ANKRD55: variants seen among roughly 807,000 people sequenced by gnomAD.
ANKRD55 encodes ankyrin repeat domain-containing protein 55.
A neutral mutation model predicts 60.6 loss-of-function variants in ANKRD55; 41 were observed. The ratio of observed to expected loss-of-function variants is 0.68; its 90% confidence interval spans 0.53 to 0.88. The LOEUF is 0.88. Among genes scored for constraint, ANKRD55 ranks in the 40% least tolerant of loss-of-function variants. The pLI is 0.00. For synonymous variants in ANKRD55, 264 were observed against 290.3 expected, an observed-to-expected ratio of 0.91 and a Z score of 0.92; for missense variants, 732 against 767.6, an observed-to-expected ratio of 0.95 and a Z score of 0.55.
At chr5:56,153,012 C>T (rs1758094185) in intron 6 of ANKRD55, among the ~76,000 whole-genome samples, 1 of 151,966 alleles carries the variant, frequency 6.6e-6, no homozygotes, top group Non-Finnish European at 1.5e-5. Flanking sequence ...TAGCCAACAG[C>T]CTACGAAAAA....
rs113264001 is a variant in ANKRD55, at chr5:56,170,896, T to C, written c.313-93A>G. 22 of 1,198,948 alleles carry C rather than the reference T, an allele frequency of 1.8e-5. No homozygotes were observed. In the African/African-American group the frequency reaches 1.8e-4, roughly 10 times the overall value. 74.3% of individuals were successfully genotyped at this position (1,198,948 alleles called of 1,614,324 possible). On this transcript the variant is annotated intron_variant, in intron 4 of 11. Transcript: ENST00000341048. ...TCTAGATTTTTTTCCCTTTCTCTGG[T>C]TTGGTTAAAAACATATTTTATTTGA...
At chr5:56,120,399 G>A (rs1296935376) in intron 8 of ANKRD55, among the ~76,000 whole-genome samples, 1 of 152,080 alleles carries the variant, frequency 6.6e-6, no homozygotes, top group African/African-American at 2.4e-5. Context: ...TTTCTACCTC[G>A]CCTCTTTCCC....
chr5:56,214,114 AG>A (rs1180480880), intron 2 of ANKRD55, among the ~76,000 whole-genome samples: 1 of 152,224 alleles, frequency 6.6e-6, no homozygotes. Context: ...CACTACCACA[AG>A]AACAGTATGG....
chr5:56,111,235 T>C lies in ANKRD55; in HGVS notation c.1513A>G (p.Lys505Glu), dbSNP rs760008992. 8 of 1,614,072 alleles carry C rather than the reference T, an allele frequency of 5.0e-6. No homozygotes were observed. The highest frequency in any genetic ancestry group is 1.7e-6 in the Non-Finnish European group (2 of 1,180,040). The change falls in exon 10 of 12, where the codon AAA becomes GAA. Residue 505 changes from lysine to glutamate, a missense_variant. Coordinates refer to ENST00000341048, the MANE Select transcript of ANKRD55 (RefSeq NM_024669.3). ...KSDSNQVFSY[K>E]VWTVSSSDKL... ...TCAGAAGAAGACACAGTCCAAACTT[T>C]GTAGGAAAATACCTGATTAGAATCA...
chr5:56,193,127 T>G (rs1759141454), intron 2 of ANKRD55: 12 of 684,020 alleles, frequency 1.8e-5, no homozygotes, highest in Non-Finnish European at 2.9e-5. Flanking sequence ...ACACATTTAT[T>G]TTAGGAGAAG....
At chr5:56,178,024 C>T (rs778096717) in intron 3 of ANKRD55, among the ~76,000 whole-genome samples, 1 of 152,020 alleles carries the variant, frequency 6.6e-6, no homozygotes, top group Admixed American at 6.6e-5. Context: ...AGCATAATCA[C>T]GTGTTTAAAA....
At chr5:56,204,187 G>A (rs1474145009) in intron 2 of ANKRD55, among the ~76,000 whole-genome samples, 1 of 152,036 alleles carries the variant, frequency 6.6e-6, no homozygotes, top group Non-Finnish European at 1.5e-5. Context: ...CTTTTTTCTT[G>A]TAAATTTGTT....
chr5:56,178,775 A>G (rs1424066210), intron 3 of ANKRD55, among the ~76,000 whole-genome samples: 1 of 127,328 alleles, frequency 7.9e-6, no homozygotes, highest in Non-Finnish European at 1.6e-5. Context: ...TAATAGAGCT[A>G]TCAATTTCCT....
At chr5:56,105,383 G>A (rs912780726) in intron 10 of ANKRD55, among the ~76,000 whole-genome samples, 1 of 152,140 alleles carries the variant, frequency 6.6e-6, no homozygotes, top group African/African-American at 2.4e-5. Flanking sequence ...CACCGTGCCC[G>A]GCCAGGTGGA....
intron 7 of ANKRD55, among the ~76,000 whole-genome samples, chr5:56,136,408 C>A (rs1421420184): frequency 6.6e-6 from 1 of 152,108 alleles, no homozygotes; most frequent in African/African-American, 2.4e-5. Flanking sequence ...AAATAATAGA[C>A]AAGTAAGTCA....
At chr5:56,215,190 G>A (rs1205509256) in intron 2 of ANKRD55, among the ~76,000 whole-genome samples, 1 of 152,160 alleles carries the variant, frequency 6.6e-6, no homozygotes, top group Non-Finnish European at 1.5e-5. Flanking sequence ...TAGAACAAAT[G>A]GGCTGAGTAG....
chr5:56,203,048 G>A (rs1003718399), intron 2 of ANKRD55, among the ~76,000 whole-genome samples: 1 of 152,108 alleles, frequency 6.6e-6, no homozygotes, highest in Non-Finnish European at 1.5e-5. Context: ...CACATTTACT[G>A]ATTAATTTAG....
At chr5:56,149,527 A>G (rs772536747) in intron 6 of ANKRD55, among the ~76,000 whole-genome samples, 2 of 152,224 alleles carry the variant, frequency 1.3e-5, no homozygotes, top group Non-Finnish European at 2.9e-5. Context: ...AAGTTGATAG[A>G]TTTAATTTTC....
intron 2 of ANKRD55, among the ~76,000 whole-genome samples, chr5:56,215,951 T>G (rs2111881104): frequency 6.6e-6 from 1 of 152,042 alleles, no homozygotes. Context: ...TGAATTGTCA[T>G]GAATACATCT....
At chr5:56,106,572 C>T (rs535974740) in intron 10 of ANKRD55, among the ~76,000 whole-genome samples, 3 of 151,786 alleles carry the variant, frequency 2.0e-5, no homozygotes, top group Non-Finnish European at 2.9e-5. Flanking sequence ...TACAGGCGCC[C>T]GCCACCACAC....
intron 3 of ANKRD55, among the ~76,000 whole-genome samples, chr5:56,182,467 A>C (rs1287587600): frequency 6.6e-6 from 1 of 151,884 alleles, no homozygotes; most frequent in Non-Finnish European, 1.5e-5. Flanking sequence ...CTTTGCTGAG[A>C]CTTTCTATTT....
intron 2 of ANKRD55, among the ~76,000 whole-genome samples, chr5:56,196,138 C>A (rs930592517): frequency 6.6e-6 from 1 of 152,122 alleles, no homozygotes; most frequent in African/African-American, 2.4e-5. Flanking sequence ...TAACCTTGAG[C>A]AATTTTATTT....
chr5:56,168,456 A>G (rs2897926), intron 5 of ANKRD55, among the ~76,000 whole-genome samples: 43,165 of 151,838 alleles, frequency 0.28, 10,714 homozygotes, highest in African/African-American at 0.66. Flanking sequence ...CTGTGTTCAC[A>G]TTACTCTTAT....
intron 2 of ANKRD55, among the ~76,000 whole-genome samples, chr5:56,208,734 T>G (rs2111869703): frequency 6.6e-6 from 1 of 152,210 alleles, no homozygotes; most frequent in Admixed American, 6.5e-5. Context: ...TGTGTGTGCT[T>G]TTTTTAAACA....
Sources: allele counts gnomAD v4.1 joint callset (sites outside exome capture counted in the v4.1 genomes callset), GRCh38; gene constraint gnomAD v4.1.1; transcripts MANE v1.5; gene names NCBI Gene and HGNC (gene_info 2026-07-23, HGNC 2026-07-21).